Variants in FOCAD observed in about 807,000 individuals in gnomAD.
FOCAD encodes focadhesin, also known as KIAA1797.
Under a neutral mutation model 225.6 loss-of-function variants are expected in FOCAD, and 198 were observed. The ratio of observed to expected loss-of-function variants is 0.88; its 90% CI spans 0.78 to 0.99. The LOEUF is 0.99. FOCAD is among the 50% of genes least tolerant of loss of function. The pLI is 0.00. For missense variants in FOCAD, 2,713 were observed against 2,123.6 expected (o/e 1.28, Z -5.46); for synonymous variants, 897 against 755.0 (o/e 1.19, Z -3.08).
chr9:20,993,655 G>A (rs1475941384), intron 43 of FOCAD, among the ~76,000 whole-genome samples: 2 of 152,028 alleles, frequency 1.3e-5, no homozygotes, highest in Non-Finnish European at 2.9e-5. Flanking sequence ...ACTTATGTGT[G>A]GAATTTTCTA....
intron 11 of FOCAD, among the ~76,000 whole-genome samples, chr9:20,803,314 C>T (rs756626430): frequency 4.6e-5 from 7 of 152,094 alleles, no homozygotes; most frequent in Admixed American, 3.9e-4. Context: ...TACCTTCTAC[C>T]TGCCCCATGT....
chr9:20,877,151 A>G (rs954766893), intron 19 of FOCAD, among the ~76,000 whole-genome samples: 2 of 121,918 alleles, frequency 1.6e-5, no homozygotes, highest in South Asian at 4.9e-4. Flanking sequence ...TGTGAATTTT[A>G]TAGGGTTTTC....
rs1456473651 is a variant in FOCAD at position 20,821,200 on chromosome 9, A to T, written c.1793+129A>T. The T allele has an allele frequency of 4.0e-6, 3 of 750,088 alleles. No homozygotes were observed. The East Asian group carries it at 9.5e-5, about 24-fold the overall frequency. The allele number at this position is 750,088 out of a possible 1,614,324, so 46.5% of individuals were successfully genotyped here. On this transcript the variant is annotated intron_variant, in intron 14 of 43. Transcript: ENST00000338382. ...TAAGTACTAATAATTTTTTAACTTA[A>T]GTTTTCTGATTATAAAATGTAATAA...
At chr9:20,831,045 A>T (rs1039709468) in intron 15 of FOCAD, among the ~76,000 whole-genome samples, 2 of 152,084 alleles carry the variant, frequency 1.3e-5, no homozygotes, top group African/African-American at 4.8e-5. Context: ...TTAAATCCGT[A>T]GTTTTAAAGC....
intron 2 of FOCAD, among the ~76,000 whole-genome samples, chr9:20,716,862 T>G (rs1398065811): frequency 2.0e-5 from 3 of 152,210 alleles, no homozygotes; most frequent in Non-Finnish European, 4.4e-5. Flanking sequence ...CTTGTGTGAC[T>G]ATAAAACCAA....
intron 43 of FOCAD, among the ~76,000 whole-genome samples, chr9:20,994,770 A>G (rs1305849859): frequency 6.6e-6 from 1 of 152,194 alleles, no homozygotes; most frequent in Non-Finnish European, 1.5e-5. Flanking sequence ...GTTGCTCCAA[A>G]GATATACCCT....
At chr9:20,791,400 G>A (rs1031022356) in intron 11 of FOCAD, among the ~76,000 whole-genome samples, 1 of 152,050 alleles carries the variant, frequency 6.6e-6, no homozygotes, top group Non-Finnish European at 1.5e-5. Context: ...GTGATATTTT[G>A]ATACAGGTAT....
chr9:20,980,626 A>T (rs1840610407), intron 37 of FOCAD, among the ~76,000 whole-genome samples: 1 of 152,246 alleles, frequency 6.6e-6, no homozygotes, highest in African/African-American at 2.4e-5. Context: ...TGCAGAAAAC[A>T]TTGTTCCTCT....
chr9:20,953,393 G>C (rs956436915), intron 35 of FOCAD, among the ~76,000 whole-genome samples: 2 of 152,192 alleles, frequency 1.3e-5, no homozygotes, highest in Admixed American at 6.5e-5. Flanking sequence ...GATCTAGAAA[G>C]AGAAAATACA....
intron 1 of FOCAD, among the ~76,000 whole-genome samples, chr9:20,690,204 A>G (rs1039926273): frequency 3.9e-5 from 6 of 152,202 alleles, no homozygotes; most frequent in African/African-American, 1.2e-4. Flanking sequence ...TTCTAAGGAC[A>G]GCGCCTCACT....
At position 20,981,799 on chromosome 9, in the gene FOCAD, A is replaced by G. The variant is rs1840725159; in HGVS notation, c.4638+113A>G. ...AAGAATGTGGGTGGGAAGGCTAGCA[A>G]GAAATAACCACATTCTTTACTAGGA... On this transcript the variant is annotated intron_variant, in intron 38 of 43. Coordinates refer to ENST00000338382, the MANE Select transcript of FOCAD (RefSeq NM_001375567.1). 1.4e-5 allele frequency: 16 copies of G among 1,160,616 alleles called. No individual in the cohort carries two copies. In the South Asian group the frequency reaches 2.4e-4, roughly 18 times the overall value. The allele number at this position is 1,160,616 out of a possible 1,614,324, so 71.9% of individuals were successfully genotyped here.
At position 20,982,436 on chromosome 9, in the gene FOCAD, A is replaced by T. The variant is rs759036139; in HGVS notation, c.4718A>T (p.Gln1573Leu). 6.2e-6 allele frequency: 10 copies of T among 1,612,966 alleles called. No individual in the cohort carries two copies. The South Asian group carries it at 1.1e-4, about 18-fold the overall frequency. ...MTDDDANRIA[Q>L]VTKSNIEKAA... ...GATGATGATGCCAATCGGATCGCCC[A>T]GGTTACTAAGGTAATAACATATCTT... Residue 1573 changes from glutamine to leucine, a missense_variant, in exon 39 of 44, where the codon CAG becomes CTG. Physicochemically the swap from Gln to Leu is moderately radical, Grantham distance 113 (BLOSUM62 -2). Coordinates refer to ENST00000338382, the MANE Select transcript of FOCAD (RefSeq NM_001375567.1).
chr9:20,813,468 C>T (rs1823307713), intron 11 of FOCAD, among the ~76,000 whole-genome samples: 1 of 152,116 alleles, frequency 6.6e-6, no homozygotes, highest in African/African-American at 2.4e-5. Context: ...TTTACATTCC[C>T]ACCAACAGTG....
intron 2 of FOCAD, among the ~76,000 whole-genome samples, chr9:20,676,650 A>G (rs528585258): frequency 2.0e-5 from 3 of 152,314 alleles, no homozygotes; most frequent in East Asian, 3.9e-4. Context: ...CAGGAGATAT[A>G]TTTTCCAAAA....
intron 15 of FOCAD, among the ~76,000 whole-genome samples, chr9:20,840,931 G>A (rs1464125615): frequency 6.6e-6 from 1 of 151,826 alleles, no homozygotes; most frequent in Non-Finnish European, 1.5e-5. Context: ...TTATCATGAA[G>A]GGATGTTAAT....
intron 21 of FOCAD, among the ~76,000 whole-genome samples, chr9:20,897,653 T>C (rs1313397802): frequency 6.6e-6 from 1 of 151,814 alleles, no homozygotes; most frequent in Non-Finnish European, 1.5e-5. Context: ...TAATAACAAA[T>C]AATCCTAATT....
At chr9:20,708,089 G>T (rs1156840881) in intron 1 of FOCAD, among the ~76,000 whole-genome samples, 2 of 152,146 alleles carry the variant, frequency 1.3e-5, no homozygotes, top group East Asian at 3.8e-4. Context: ...GAGGGACAGG[G>T]TCAGTCAGTT....
chr9:20,824,168 C>G (rs982290597), intron 15 of FOCAD, among the ~76,000 whole-genome samples: 1 of 152,086 alleles, frequency 6.6e-6, no homozygotes, highest in Non-Finnish European at 1.5e-5. Context: ...CAGGAGAATA[C>G]CACACATGCC....
rs1056573073 is a variant in FOCAD at position 20,730,277 on chromosome 9, T to C, written c.287+9743T>C. 5.9e-5 allele frequency among the ~76,000 whole-genome samples: 9 copies of C among 152,338 alleles called. No individual in the cohort carries two copies. The East Asian group carries it at 1.7e-3, about 29-fold the overall frequency. On this transcript the variant is annotated intron_variant, in intron 4 of 43. Transcript: ENST00000338382. ...ATTTCAAATGGTGACATTCTAATTC[T>C]ATGTTTTTTTTCTTCACTTATTACC...
Sources: gnomAD v4.1 joint callset for allele counts (sites outside exome capture counted in the v4.1 genomes callset) on GRCh38, gnomAD v4.1.1 for gene constraint, MANE v1.5 for transcripts, NCBI Gene and HGNC (gene_info 2026-07-23, HGNC 2026-07-21) for gene names.